PI4K2B: variants seen among roughly 807,000 people sequenced by gnomAD.
The protein encoded by PI4K2B is phosphatidylinositol 4-kinase type 2 beta, also known as phosphatidylinositol 4-kinase type 2-beta.
A neutral mutation model predicts 56.6 loss-of-function variants in PI4K2B; 46 were observed. The observed-to-expected ratio is 0.81, with a 90% CI of 0.64 to 1.04. The LOEUF is 1.04. Among genes scored for constraint, PI4K2B ranks in the 50% least tolerant of loss-of-function variants. The pLI is 0.00. For synonymous variants in PI4K2B, 211 were observed against 223.8 expected, an observed-to-expected ratio of 0.94 and a Z score of 0.51; for missense variants, 556 against 607.7, an observed-to-expected ratio of 0.91 and a Z score of 0.89.
intron 7 of PI4K2B, 75 bp downstream of exon 7, chr4:25,263,924 T>TA (rs1716573907): frequency 3.0e-6 from 2 of 659,978 alleles, no homozygotes; most frequent in Admixed American, 2.5e-5. Flanking sequence ...AATTTACAGA[T>TA]ACCATAGCGG....
chr4:25,265,002 C>A (rs1716612072), intron 7 of PI4K2B, among the ~76,000 whole-genome samples: 1 of 151,934 alleles, frequency 6.6e-6, no homozygotes, highest in South Asian at 2.1e-4. Flanking sequence ...TTGAGATCAG[C>A]CTGGGCAACA....
chr4:25,267,276 A>G (rs188535902), intron 7 of PI4K2B, among the ~76,000 whole-genome samples: 175 of 152,358 alleles, frequency 1.1e-3, no homozygotes, highest in African/African-American at 4.0e-3. Flanking sequence ...CCTTTCTTCT[A>G]TGAAATTATT....
At position 25,236,984 on chromosome 4, in the gene PI4K2B, T is replaced by C. The variant is rs550691887; in HGVS notation, c.268+2553T>C. 3.3e-5 allele frequency among the ~76,000 whole-genome samples: 5 copies of C among 152,366 alleles called. No individual in the cohort carries two copies. In the East Asian group the frequency reaches 9.6e-4, roughly 29 times the overall value. On this transcript the variant is annotated intron_variant, in intron 1 of 9. Coordinates refer to ENST00000264864, the MANE Select transcript of PI4K2B (RefSeq NM_018323.4). ...CTTTACCATCCGATTTCCATGAAAC[T>C]ACCTCACTAGTTCCAAGAAATTCTT...
At chr4:25,274,996 G>A (rs1319823323) in intron 9 of PI4K2B, among the ~76,000 whole-genome samples, 3 of 151,714 alleles carry the variant, frequency 2.0e-5, no homozygotes, top group African/African-American at 7.3e-5. Flanking sequence ...TAGAGATGGG[G>A]TTTCATCATG....
At position 25,268,513 on chromosome 4, in the gene PI4K2B, A is replaced by C. The variant is rs377424277; in HGVS notation, c.1149A>C (p.Leu383=). The change falls in exon 8 of 10, where the codon CTA becomes CTC. Residue 383 remains leucine, a synonymous_variant. Coordinates refer to ENST00000264864, the MANE Select transcript of PI4K2B (RefSeq NM_018323.4). ...PFSEEIRNLI[L]PYISDMNFVQ... is the part of the protein sequence containing the mutation. ...CTGAAGAAATAAGAAATTTGATTCTACCATATATTTCTGACATGAACTTTG... is the reference window on the plus strand; with the variant it reads ...CTGAAGAAATAAGAAATTTGATTCTCCCATATATTTCTGACATGAACTTTG... The C allele has an allele frequency of 2.5e-4, 403 of 1,598,752 alleles. 3 individuals carry two copies. The South Asian group carries it at 3.6e-3, about 14-fold the overall frequency.
At chr4:25,252,982 G>T (rs1716124357) in intron 2 of PI4K2B, among the ~76,000 whole-genome samples, 2 of 152,250 alleles carry the variant, frequency 1.3e-5, no homozygotes, top group East Asian at 1.9e-4. Context: ...GTCACAGTTT[G>T]CTATTTTGTT....
chr4:25,269,744 C>T (rs567658074), intron 9 of PI4K2B, among the ~76,000 whole-genome samples: 12 of 151,502 alleles, frequency 7.9e-5, no homozygotes, highest in East Asian at 7.8e-4. Flanking sequence ...GACAGAGTCT[C>T]GCTCTGTAGC....
chr4:25,260,714 A>T lies in PI4K2B; in HGVS notation c.978+123A>T, dbSNP rs565521044. On this transcript the variant is annotated intron_variant, in intron 6 of 9. Transcript: ENST00000264864. ...TGTGTATAACTTGTGAATATTATAT[A>T]TATATATATTCAATTTCTGTAAAAG... The T allele has an allele frequency of 6.6e-5, 17 of 259,026 alleles. No homozygotes were observed. The East Asian group carries it at 1.6e-3, about 24-fold the overall frequency. 16.0% of individuals were successfully genotyped at this position (259,026 alleles called of 1,614,324 possible).
chr4:25,238,781 CA>C (rs1715380134), intron 1 of PI4K2B, among the ~76,000 whole-genome samples: 2 of 152,254 alleles, frequency 1.3e-5, no homozygotes, highest in South Asian at 4.2e-4. Flanking sequence ...TGAGCAGCAG[CA>C]AGATTTATTG....
chr4:25,256,775 C>T lies in PI4K2B; in HGVS notation c.756+101C>T, dbSNP rs538706379. ...GCTATTAGCTGTGGATATTATAGCA[C>T]AGATTTTTCATCTTCCAGGAGCTTA... On this transcript the variant is annotated intron_variant, in intron 4 of 9. Coordinates refer to ENST00000264864, the MANE Select transcript of PI4K2B (RefSeq NM_018323.4). The T allele has an allele frequency of 2.8e-6, 3 of 1,064,440 alleles. No individual in the cohort carries two copies. The African/African-American group carries it at 4.8e-5, about 17-fold the overall frequency. 65.9% of individuals were successfully genotyped at this position (1,064,440 alleles called of 1,614,324 possible).
intron 1 of PI4K2B, among the ~76,000 whole-genome samples, chr4:25,242,869 C>T (rs1715586009): frequency 1.3e-5 from 2 of 152,188 alleles, no homozygotes; most frequent in Admixed American, 6.5e-5. Flanking sequence ...TAGGGGACAA[C>T]AAATGGGTAA....
At chr4:25,236,560 AAATT>A (rs1168233461) in intron 1 of PI4K2B, among the ~76,000 whole-genome samples, 8 of 152,324 alleles carry the variant, frequency 5.3e-5, no homozygotes, top group Admixed American at 6.5e-5. Context: ...CTCAAAAAAA[AAATT>A]AATTATTTTC....
At chr4:25,256,703 A>G in intron 4 of PI4K2B, 29 bp downstream of exon 4, 3 of 1,606,916 alleles carry the variant, frequency 1.9e-6, no homozygotes, top group Non-Finnish European at 2.6e-6. Flanking sequence ...CTGTATTTAG[A>G]GGGCATTTGG....
At chr4:25,247,133 T>G (rs556149193) in intron 1 of PI4K2B, among the ~76,000 whole-genome samples, 2 of 152,348 alleles carry the variant, frequency 1.3e-5, no homozygotes, top group East Asian at 3.9e-4. Flanking sequence ...GGAGGTGTGG[T>G]GAGTGAGCAA....
chr4:25,260,049 T>C (rs959099666), intron 5 of PI4K2B, among the ~76,000 whole-genome samples: 2 of 152,358 alleles, frequency 1.3e-5, no homozygotes, highest in African/African-American at 2.4e-5. Flanking sequence ...TGTTTTCTTA[T>C]TTAGTTTTTG....
chr4:25,240,066 TA>T (rs1715451236), intron 1 of PI4K2B, among the ~76,000 whole-genome samples: 1 of 152,116 alleles, frequency 6.6e-6, no homozygotes, highest in South Asian at 2.1e-4. Context: ...ACAAGAAGGT[TA>T]AAAATACAGG....
At position 25,234,450 on chromosome 4, in the gene PI4K2B, C is replaced by T; in HGVS notation, c.268+19C>T. 2 of 1,273,308 alleles carry T rather than the reference C, an allele frequency of 1.6e-6. No individual in the cohort carries two copies. The highest frequency in any genetic ancestry group is 2.5e-5 in the South Asian group (1 of 39,592). 78.9% of individuals were successfully genotyped at this position (1,273,308 alleles called of 1,614,324 possible). A position where few individuals can be genotyped will look rare whatever the true frequency, so the allele number is the denominator to read the frequency against. Reference sequence around the variant, plus strand: ...GTTTCAGGTGCGACCCGGCCCTGCCCCACTCCCCGCGCCCCTCCGGGCGGC... The same window carrying T: ...GTTTCAGGTGCGACCCGGCCCTGCCTCACTCCCCGCGCCCCTCCGGGCGGC... On this transcript the variant is annotated intron_variant, in intron 1 of 9. Coordinates refer to ENST00000264864, the MANE Select transcript of PI4K2B (RefSeq NM_018323.4).
At chr4:25,261,010 T>C (rs1051859021) in intron 6 of PI4K2B, among the ~76,000 whole-genome samples, 10 of 151,792 alleles carry the variant, frequency 6.6e-5, no homozygotes, top group African/African-American at 2.4e-4. Flanking sequence ...ACCCAGCCAG[T>C]TCTGTTTTTT....
At position 25,239,028 on chromosome 4, in the gene PI4K2B, C is replaced by T. The variant is rs576329952; in HGVS notation, c.268+4597C>T. On this transcript the variant is annotated intron_variant, in intron 1 of 9. Transcript: ENST00000264864. ...AGCTAGACACAAAAGTTCTCCAAGT[C>T]CCCACTAGATTAGCTAGATACAGAG... is the stretch of plus-strand genomic sequence containing the variant. 6.6e-5 allele frequency among the ~76,000 whole-genome samples: 10 copies of T among 152,272 alleles called. 1 individual carries two copies. The East Asian group carries it at 1.9e-3, about 29-fold the overall frequency.
Sources: allele counts gnomAD v4.1 joint callset (sites outside exome capture counted in the v4.1 genomes callset), GRCh38; gene constraint gnomAD v4.1.1; transcripts MANE v1.5; gene names NCBI Gene and HGNC (gene_info 2026-07-23, HGNC 2026-07-21).